The following KCNIP1 variants were observed in gnomAD, a reference collection of about 807,000 sequenced individuals.
The protein encoded by KCNIP1 is potassium voltage-gated channel interacting protein 1.
KCNIP1 carries 18 observed loss-of-function variants against 33.0 expected under a neutral mutation model. That is an observed-to-expected ratio of 0.55 (90% confidence interval 0.38 to 0.81). The LOEUF (loss-of-function observed/expected upper bound fraction) is 0.81, where lower values mean the gene tolerates loss of function less well. Among genes scored for constraint, KCNIP1 ranks in the 30% least tolerant of loss-of-function variants. KCNIP1 has a pLI of 0.00. For synonymous variants in KCNIP1, 93 were observed against 98.3 expected (o/e 0.95, Z 0.32); for missense variants, 238 against 271.6 (o/e 0.88, Z 0.87).
intron 1 of KCNIP1, among the ~76,000 whole-genome samples, chr5:170,548,409 C>G (rs996721282): frequency 6.6e-6 from 1 of 152,136 alleles, no homozygotes; most frequent in Non-Finnish European, 1.5e-5. Context: ...AGAACTTTAT[C>G]CTTGATAATT....
At chr5:170,598,894 T>TGCGTGTGC (rs1554103615) in intron 1 of KCNIP1, among the ~76,000 whole-genome samples, 3 of 128,952 alleles carry the variant, frequency 2.3e-5, no homozygotes, top group African/African-American at 9.6e-5. Context: ...CCCCGCTGTG[T>TGCGTGTGC]GTGTGTGCGC....
chr5:170,534,695 A>AT (rs1187287983), intron 1 of KCNIP1, among the ~76,000 whole-genome samples: 3 of 150,606 alleles, frequency 2.0e-5, no homozygotes, highest in Non-Finnish European at 4.4e-5. Flanking sequence ...ATTTTTTTTT[A>AT]TTTTTTGTAG....
chr5:170,606,869 C>T (rs1225438800), intron 1 of KCNIP1, among the ~76,000 whole-genome samples: 2 of 152,332 alleles, frequency 1.3e-5, no homozygotes, highest in Non-Finnish European at 2.9e-5. Context: ...TCCCCTCCAC[C>T]GAAGCACTAC....
chr5:170,545,560 T>G (rs1301104594), intron 1 of KCNIP1, among the ~76,000 whole-genome samples: 1 of 152,202 alleles, frequency 6.6e-6, no homozygotes, highest in East Asian at 1.9e-4. Flanking sequence ...TCTTTTAATG[T>G]TCCTTTCTCT....
chr5:170,633,628 G>A (rs2113677583), intron 1 of KCNIP1, among the ~76,000 whole-genome samples: 1 of 146,956 alleles, frequency 6.8e-6, no homozygotes, highest in South Asian at 2.3e-4. Flanking sequence ...AAAAGGCCAG[G>A]GACAGAGAAC....
chr5:170,627,153 T>C (rs1759863588), intron 1 of KCNIP1, among the ~76,000 whole-genome samples: 1 of 152,212 alleles, frequency 6.6e-6, no homozygotes, highest in South Asian at 2.1e-4. Context: ...GGGAGCACTC[T>C]GCTTTTGGGA....
chr5:170,486,996 T>G (rs547575083), intron 1 of KCNIP1, among the ~76,000 whole-genome samples: 6 of 152,218 alleles, frequency 3.9e-5, no homozygotes, highest in Admixed American at 3.9e-4. Flanking sequence ...TGTGTGTATA[T>G]ATATTATACA....
intron 1 of KCNIP1, among the ~76,000 whole-genome samples, chr5:170,629,641 C>T (rs565190890): frequency 4.6e-5 from 7 of 152,318 alleles, no homozygotes; most frequent in African/African-American, 1.4e-4. Flanking sequence ...AAAGTCTGCC[C>T]CCTCCCCCTG....
At chr5:170,709,755 C>T (rs186764515) in intron 1 of KCNIP1, among the ~76,000 whole-genome samples, 111 of 152,156 alleles carry the variant, frequency 7.3e-4, no homozygotes, top group African/African-American at 2.5e-3. Flanking sequence ...CTTTAAATAT[C>T]GCTTCATTAT....
At chr5:170,573,145 G>T (rs571162549) in intron 1 of KCNIP1, among the ~76,000 whole-genome samples, 1 of 152,328 alleles carries the variant, frequency 6.6e-6, no homozygotes, top group East Asian at 1.9e-4. Flanking sequence ...TTCCAAGCTG[G>T]CTGGGCAAGG....
At chr5:170,638,149 G>A (rs1227513196) in intron 1 of KCNIP1, among the ~76,000 whole-genome samples, 4 of 152,132 alleles carry the variant, frequency 2.6e-5, no homozygotes, top group Admixed American at 2.6e-4. Flanking sequence ...TTCAGAGAAG[G>A]ACAACCCCAC....
At chr5:170,428,245 G>T (rs538288241) in intron 1 of KCNIP1, among the ~76,000 whole-genome samples, 1 of 152,208 alleles carries the variant, frequency 6.6e-6, no homozygotes, top group African/African-American at 2.4e-5. Context: ...GACTTGTGGG[G>T]ATGTCGTGGC....
chr5:170,475,348 C>T (rs1312786715), intron 1 of KCNIP1, among the ~76,000 whole-genome samples: 1 of 152,320 alleles, frequency 6.6e-6, no homozygotes, highest in East Asian at 1.9e-4. Context: ...CCAGCTCCTG[C>T]GTGCCAGGCA....
intron 1 of KCNIP1, among the ~76,000 whole-genome samples, chr5:170,683,950 T>A (rs1296334185): frequency 6.7e-6 from 1 of 149,192 alleles, no homozygotes; most frequent in Non-Finnish European, 1.5e-5. Context: ...AGAGACAGGG[T>A]TTCACCATGT....
At chr5:170,641,804 G>A (rs1042701679) in intron 1 of KCNIP1, among the ~76,000 whole-genome samples, 9 of 152,156 alleles carry the variant, frequency 5.9e-5, no homozygotes, top group Middle Eastern at 3.2e-3. Context: ...TGGCAGCTTC[G>A]AATGGCTGAG....
At chr5:170,421,736 T>C (rs314164) in intron 1 of KCNIP1, among the ~76,000 whole-genome samples, 112,066 of 152,184 alleles carry the variant, frequency 0.74, 42,275 homozygotes, top group African/African-American at 0.91. Flanking sequence ...TGGGAGAGGA[T>C]AGAAACATTG....
intron 1 of KCNIP1, among the ~76,000 whole-genome samples, chr5:170,476,087 C>T (rs1272003506): frequency 6.6e-6 from 1 of 152,072 alleles, no homozygotes; most frequent in Non-Finnish European, 1.5e-5. Context: ...TCTCCCACCT[C>T]AGCCTCCTGA....
chr5:170,617,534 G>C (rs530997323), intron 1 of KCNIP1, among the ~76,000 whole-genome samples: 1 of 152,268 alleles, frequency 6.6e-6, no homozygotes, highest in East Asian at 1.9e-4. Context: ...GCAGACAGAG[G>C]GGGTCCAGGC....
rs150758031 is a variant in KCNIP1, at chr5:170,412,128, G to A, written c.88+58164G>A. On this transcript the variant is annotated intron_variant, in intron 1 of 7. Coordinates refer to the KCNIP1 transcript ENST00000377360. ...GGTTGAGAGATGAGGCATAACAAAC[G>A]GACTGTGGGTTGCAGGGATGTGTGA... 1.5e-3 allele frequency among the ~76,000 whole-genome samples: 234 copies of A among 152,328 alleles called. 2 individuals are homozygous for A. The highest frequency in any genetic ancestry group is 5.3e-3 in the African/African-American group (220 of 41,572).
Sources: gnomAD v4.1 joint callset for allele counts (sites outside exome capture counted in the v4.1 genomes callset) on GRCh38, gnomAD v4.1.1 for gene constraint, MANE v1.5 for transcripts, NCBI Gene and HGNC (gene_info 2026-07-23, HGNC 2026-07-21) for gene names.